ITGAE: variants seen among roughly 807,000 people sequenced by gnomAD.
ITGAE encodes the protein integrin subunit alpha E, also known as integrin alpha-E.
ITGAE carries 99 observed loss-of-function variants against 136.5 expected under a neutral mutation model. The observed-to-expected ratio is 0.73, with a 90% CI of 0.62 to 0.86. The LOEUF is 0.86. Among genes scored for constraint, ITGAE ranks in the 40% least tolerant of loss-of-function variants. The pLI, the probability that ITGAE is intolerant of heterozygous loss-of-function variation, is 0.00. For synonymous variants in ITGAE, 613 were observed against 591.8 expected, an observed-to-expected ratio of 1.04 and a Z score of -0.52; for missense variants, 1,447 against 1,515.3, an observed-to-expected ratio of 0.95 and a Z score of 0.75.
At position 3,737,589 on chromosome 17, in the gene ITGAE, A is replaced by G. The variant is rs551072527; in HGVS notation, c.2522+2216T>C. ...AGGATAACAAAGCAGAGATGCTGAC[A>G]TGTCAGCTGGACACACATCTTAGAG... On this transcript the variant is annotated intron_variant, in intron 20 of 30. Transcript: ENST00000263087. Among the ~76,000 whole-genome samples the G allele has an allele frequency of 2.3e-4, 35 of 152,336 alleles. No homozygotes were observed. The South Asian group carries it at 2.7e-3, about 12-fold the overall frequency.
intron 17 of ITGAE, among the ~76,000 whole-genome samples, chr17:3,747,629 A>G (rs1387051306): frequency 6.6e-6 from 1 of 151,820 alleles, no homozygotes; most frequent in East Asian, 1.9e-4. Context: ...TTTTTTTCAG[A>G]AACTCAACCC....
chr17:3,735,038 C>A, intron 20 of ITGAE, 89 bp from the exon 21 acceptor site: 1 of 1,474,480 alleles, frequency 6.8e-7, no homozygotes, highest in Non-Finnish European at 9.4e-7. Context: ...GAGGCTAGAG[C>A]GTGGTGCTGT....
intron 1 of ITGAE, among the ~76,000 whole-genome samples, chr17:3,800,210 C>G (rs1274666720): frequency 6.6e-6 from 1 of 152,228 alleles, no homozygotes; most frequent in Non-Finnish European, 1.5e-5. Flanking sequence ...GGCCTGCTTC[C>G]TGGGTGATCT....
chr17:3,760,429 G>GATTT, intron 6 of ITGAE, 142 bp from the exon 7 acceptor site: 1 of 60,718 alleles, frequency 1.6e-5, no homozygotes, highest in Non-Finnish European at 3.4e-5. Context: ...CAAGAGGGAA[G>GATTT]CTTTTTTTTT....
chr17:3,771,534 CTTTTTTTTTT>C (rs71312930), intron 2 of ITGAE, among the ~76,000 whole-genome samples: 3 of 123,256 alleles, frequency 2.4e-5, no homozygotes, highest in Admixed American at 1.6e-4. Context: ...GCATTTTTCT[CTTTTTTTTTT>C]TTTTTTTTTT....
chr17:3,786,267 G>A (rs2052796203), intron 1 of ITGAE, among the ~76,000 whole-genome samples: 1 of 151,048 alleles, frequency 6.6e-6, no homozygotes. Context: ...AAATAGAAAT[G>A]CACCAAAACT....
intron 30 of ITGAE, 69 bp from the exon 31 acceptor site, chr17:3,715,011 C>T: frequency 1.2e-6 from 1 of 867,154 alleles, no homozygotes; most frequent in Non-Finnish European, 1.9e-6. Flanking sequence ...AACCGGCATT[C>T]TGGCTGTTGC....
intron 2 of ITGAE, among the ~76,000 whole-genome samples, chr17:3,775,482 CAG>C (rs543077251): frequency 9.3e-4 from 141 of 152,222 alleles, no homozygotes; most frequent in African/African-American, 3.0e-3. Context: ...TTTTCTGAGA[CAG>C]AGTCTCGCTC....
At chr17:3,729,381 A>T in intron 24 of ITGAE, 97 bp downstream of exon 24, 2 of 812,124 alleles carry the variant, frequency 2.5e-6, no homozygotes, top group South Asian at 2.7e-5. Flanking sequence ...CAGTGTCCAC[A>T]TTCATCCTGA....
In ITGAE at chr17:3,761,395, A is replaced by G. The variant is rs369489323; in HGVS notation, c.433+8T>C. 11 of 1,607,986 alleles carry G rather than the reference A, an allele frequency of 6.8e-6. No homozygotes were observed. Among genetic ancestry groups the G allele is most frequent in the Admixed American group, 5.1e-5 (3 of 58,938 alleles). On this transcript the variant is annotated splice_region_variant and intron_variant, in intron 5 of 30. Coordinates refer to ENST00000263087, the MANE Select transcript of ITGAE (RefSeq NM_002208.5). Reference sequence around the variant, plus strand: ...GCTATCCAAGGCCAGTGAATGTCCAATCCTTACCAAGGTCGAAGAAGTTGG... The same window carrying G: ...GCTATCCAAGGCCAGTGAATGTCCAGTCCTTACCAAGGTCGAAGAAGTTGG...
At chr17:3,756,946 C>A in intron 10 of ITGAE, 38 bp downstream of exon 10, 1 of 1,586,390 alleles carries the variant, frequency 6.3e-7, no homozygotes, top group South Asian at 1.2e-5. Context: ...AGCATAGGCT[C>A]GGGCCTCCTG....
At chr17:3,722,669 G>A (rs566145263) in intron 28 of ITGAE, among the ~76,000 whole-genome samples, 1 of 152,260 alleles carries the variant, frequency 6.6e-6, no homozygotes, top group South Asian at 2.1e-4. Flanking sequence ...AGGGGCAGTG[G>A]GAGAGAAAGG....
intron 27 of ITGAE, 100 bp from the exon 28 acceptor site, chr17:3,723,483 G>A: frequency 9.7e-7 from 1 of 1,029,610 alleles, no homozygotes; most frequent in Non-Finnish European, 1.5e-6. Flanking sequence ...TCCCAGAATA[G>A]AGGGTGTGAG....
intron 14 of ITGAE, among the ~76,000 whole-genome samples, 155 bp from the exon 15 acceptor site, chr17:3,752,029 A>C (rs940901735): frequency 6.0e-5 from 9 of 149,648 alleles, no homozygotes; most frequent in African/African-American, 2.2e-4. Context: ...CTCCATTGCC[A>C]CCCAGGATGC....
chr17:3,755,961 G>GGAC (rs1271002373), intron 10 of ITGAE, 64 bp from the exon 11 acceptor site: 1 of 1,489,410 alleles, frequency 6.7e-7, no homozygotes, highest in Non-Finnish European at 9.2e-7. Context: ...CTGAGTCAGG[G>GGAC]GACAGTCCAG....
At chr17:3,789,265 GA>G (rs2052879000) in intron 1 of ITGAE, among the ~76,000 whole-genome samples, 1 of 151,988 alleles carries the variant, frequency 6.6e-6, no homozygotes, top group Admixed American at 6.6e-5. Flanking sequence ...AAACGAAAAA[GA>G]AAATTTGCTA....
Position 3,756,224 on chromosome 17 carries a change from C to CTTTTTTTTTTTTTTTTTTTTTTTTTTTTT in ITGAE, c.1172-328_1172-327insAAAAAAAAAAAAAAAAAAAAAAAAAAAAA. On this transcript the variant is annotated intron_variant, in intron 10 of 30. Transcript: ENST00000263087. The stretch of plus-strand genomic sequence containing the variant: ...AAGGAGGCCTGGGGATATTGTTGGC[C>CTTTTTTTTTTTTTTTTTTTTTTTTTTTTT]TTTTTTTTTTTTTTTTTTTTTTTTT... 2.1e-5 allele frequency among the ~76,000 whole-genome samples: 2 copies of CTTTTTTTTTTTTTTTTTTTTTTTTTTTTT among 95,028 alleles called. 1 individual carries two copies. Among genetic ancestry groups the CTTTTTTTTTTTTTTTTTTTTTTTTTTTTT allele is most frequent in the Non-Finnish European group, 4.2e-5 (2 of 47,470 alleles). 62.3% of individuals were successfully genotyped at this position (95,028 alleles called of 152,430 possible).
chr17:3,766,758 C>T (rs1332476697), intron 2 of ITGAE, among the ~76,000 whole-genome samples: 2 of 151,120 alleles, frequency 1.3e-5, no homozygotes, highest in Non-Finnish European at 2.9e-5. Context: ...GCTGAGATCT[C>T]ACCACTGCAC....
intron 17 of ITGAE, 145 bp downstream of exon 17, chr17:3,747,777 A>G (rs752481873): frequency 1.1e-3 from 651 of 615,254 alleles, no homozygotes; most frequent in Admixed American, 2.0e-3. Context: ...TAAGGAGCTA[A>G]GCTCTAATCG....
Sources: gnomAD v4.1 joint callset for allele counts (sites outside exome capture counted in the v4.1 genomes callset) on GRCh38, gnomAD v4.1.1 for gene constraint, MANE v1.5 for transcripts, NCBI Gene and HGNC (gene_info 2026-07-23, HGNC 2026-07-21) for gene names.